SVIL: variants seen among roughly 807,000 people sequenced by gnomAD.
SVIL encodes the protein archvillin.
SVIL carries 101 observed loss-of-function variants against 240.4 expected under a neutral mutation model. The observed-to-expected ratio is 0.42, with a 90% confidence interval of 0.36 to 0.50. The LOEUF is 0.50. Among genes scored for constraint, SVIL ranks in the 20% least tolerant of loss-of-function variants. The pLI is 0.01. For missense variants in SVIL, 2,512 were observed against 2,818.7 expected (o/e 0.89, Z 2.46); for synonymous variants, 999 against 1,100.0 (o/e 0.91, Z 1.82).
intron 22 of SVIL, among the ~76,000 whole-genome samples, chr10:29,490,588 A>C (rs1482961210): frequency 0.19 from 18,207 of 96,224 alleles, 1,229 homozygotes; most frequent in East Asian, 0.36. Context: ...CAGTCTTTAA[A>C]AAAAAAAAAA....
At chr10:29,478,924 CAAAAAAAAAAAA>C (rs71020791) in intron 29 of SVIL, among the ~76,000 whole-genome samples, 3 of 63,040 alleles carry the variant, frequency 4.8e-5, no homozygotes, top group Non-Finnish European at 6.2e-5. Context: ...AACCCTGTCT[CAAAAAAAAAAAA>C]AAAAAAAAAA....
Position 29,462,401 on chromosome 10 carries a change from C to G in SVIL, c.6278G>C (p.Gly2093Ala), listed in dbSNP as rs183106046. The G allele has an allele frequency of 6.2e-7, 1 of 1,613,990 alleles. No homozygotes were observed. Among genetic ancestry groups the G allele is most frequent in the East Asian group, 2.2e-5 (1 of 44,878 alleles). ...GGGGGCTGGTTTCTTGAGATTTTTT[C>G]CTGTAGTTACACAGATTGCAATGTC... ...AMETVLQYCK[G>A]KNLKKPAPKS... is the part of the protein sequence containing the mutation. The change falls in exon 36 of 38, where the codon GGA (glycine) becomes GCA (alanine). Residue 2093 changes from glycine to alanine, a missense_variant and splice_region_variant. Coordinates refer to ENST00000355867, the MANE Select transcript of SVIL (RefSeq NM_021738.3).
chr10:29,519,166 AAAG>A (rs1403206343), intron 16 of SVIL, among the ~76,000 whole-genome samples: 2 of 152,224 alleles, frequency 1.3e-5, no homozygotes, highest in African/African-American at 2.4e-5. Flanking sequence ...ATTCATGAAG[AAAG>A]AAGGTGTGTC....
upstream of SVIL, among the ~76,000 whole-genome samples, chr10:29,736,077 C>G (rs925436101): frequency 3.3e-5 from 5 of 152,052 alleles, no homozygotes; most frequent in African/African-American, 1.2e-4. Flanking sequence ...TCTCTCAACG[C>G]GGGCACCCCT....
intron 16 of SVIL, among the ~76,000 whole-genome samples, chr10:29,513,384 T>C (rs1021260632): frequency 3.3e-5 from 5 of 152,046 alleles, no homozygotes; most frequent in Admixed American, 1.3e-4. Flanking sequence ...GCCTGGCCAA[T>C]ACGGTGAAAC....
Position 29,480,605 on chromosome 10 carries a change from T to G in SVIL, c.5309A>C (p.Gln1770Pro). ...LEFDYSRLPK[Q>P]SIGQFHEGDA... Reference sequence around the variant, plus strand: ...CCCCTCATGGAACTGCCCGATGCTTTGTTTGGGGAGCCTGCTATAGTCGAA... The same window carrying G: ...CCCCTCATGGAACTGCCCGATGCTTGGTTTGGGGAGCCTGCTATAGTCGAA... Residue 1770 changes from glutamine to proline, a missense_variant, in exon 29 of 38, where the codon CAA becomes CCA. Around this residue, in one of 3 missense-constraint regions of SVIL, gnomAD observed 797 missense variants for 925.3 expected, o/e 0.86. Coordinates refer to ENST00000355867, the MANE Select transcript of SVIL (RefSeq NM_021738.3). The G allele has an allele frequency of 6.8e-6, 11 of 1,614,146 alleles. No individual in the cohort carries two copies. Among genetic ancestry groups the G allele is most frequent in the Non-Finnish European group, 9.3e-6 (11 of 1,180,020 alleles).
chr10:29,731,961 C>T (rs905464669), intron 1 of SVIL, among the ~76,000 whole-genome samples: 2 of 152,264 alleles, frequency 1.3e-5, no homozygotes, highest in African/African-American at 4.8e-5. Context: ...GCCTGTTCAT[C>T]TTCCGTACAA....
rs558265602 is a variant in SVIL at position 29,494,179 on chromosome 10, C to T, written c.3841+735G>A. Among the ~76,000 whole-genome samples, 3 of 143,806 alleles carry T rather than the reference C, an allele frequency of 2.1e-5. No homozygotes were observed. The South Asian group carries it at 6.4e-4, about 31-fold the overall frequency. The allele number at this position is 143,806 out of a possible 152,430, so 94.3% of individuals were successfully genotyped here. On this transcript the variant is annotated intron_variant, in intron 20 of 37. Coordinates refer to ENST00000355867, the MANE Select transcript of SVIL (RefSeq NM_021738.3). ...CAAGACCCTGTCTCTAAAAAACAAA[C>T]AAGAAAAAAAAAAAGCAAGTGGGCA... is the stretch of plus-strand genomic sequence containing the variant.
At chr10:29,567,710 A>G (rs1410957894) in intron 2 of SVIL, among the ~76,000 whole-genome samples, 1 of 152,162 alleles carries the variant, frequency 6.6e-6, no homozygotes, top group East Asian at 1.9e-4. Flanking sequence ...CCAACCTGCT[A>G]GGGACATATT....
chr10:29,662,665 A>G (rs1052808783), intron 2 of SVIL, among the ~76,000 whole-genome samples: 3 of 152,158 alleles, frequency 2.0e-5, no homozygotes, highest in Non-Finnish European at 4.4e-5. Flanking sequence ...TGGGAAAGCC[A>G]CTAGTAAGTG....
chr10:29,550,117 T>C (rs1024539780), intron 6 of SVIL, among the ~76,000 whole-genome samples: 46 of 148,928 alleles, frequency 3.1e-4, no homozygotes, highest in Non-Finnish European at 5.2e-4. Context: ...CCTGCTTTGG[T>C]AGAACCTGTT....
chr10:29,550,821 G>A lies in SVIL; in HGVS notation c.603C>T (p.Asn201=), dbSNP rs778148636. ...DGSSDPEVLL[N]IENQRRGQEL... is the part of the protein sequence containing the mutation. The stretch of plus-strand genomic sequence containing the variant: ...CTTGACCTCGTCTTTGGTTTTCTAT[G>A]TTCAGCAGCACCTCCGGGTCGGAAG... The change falls in exon 6 of 38, where the codon AAC becomes AAT. Residue 201 remains asparagine, a synonymous_variant. Coordinates refer to ENST00000355867, the MANE Select transcript of SVIL (RefSeq NM_021738.3). 5 of 1,614,026 alleles carry A rather than the reference G, an allele frequency of 3.1e-6. No individual in the cohort carries two copies. The East Asian group carries it at 1.1e-4, about 36-fold the overall frequency.
At chr10:29,534,360 A>G (rs1271397050) in intron 7 of SVIL, among the ~76,000 whole-genome samples, 1 of 152,108 alleles carries the variant, frequency 6.6e-6, no homozygotes, top group Admixed American at 6.6e-5. Context: ...AACAATATCT[A>G]GGTGCAGTGG....
chr10:29,570,551 T>A (rs1027283481), intron 1 of SVIL, among the ~76,000 whole-genome samples: 1 of 152,224 alleles, frequency 6.6e-6, no homozygotes, highest in African/African-American at 2.4e-5. Context: ...AAAGACAGTA[T>A]CTTGTTCCAA....
intron 23 of SVIL, among the ~76,000 whole-genome samples, chr10:29,488,327 C>G (rs1442155285): frequency 2.0e-5 from 3 of 151,986 alleles, no homozygotes; most frequent in African/African-American, 4.8e-5. Flanking sequence ...GTGGGGGGAC[C>G]TGGGTTCAAA....
rs1564541481 is a variant in SVIL, at chr10:29,509,376, A to AGAGAGAGAGAGG, written c.3516+3358_3516+3359insCCTCTCTCTCTC. Among the ~76,000 whole-genome samples, 13 of 139,290 alleles carry AGAGAGAGAGAGG rather than the reference A, an allele frequency of 9.3e-5. 1 individual carries two copies. The East Asian group carries it at 2.8e-3, about 30-fold the overall frequency. The allele number at this position is 139,290 out of a possible 152,430, so 91.4% of individuals were successfully genotyped here. On this transcript the variant is annotated intron_variant, in intron 17 of 37. Transcript: ENST00000355867. Reference sequence around the variant, plus strand: ...GAGAGAGAGAGAGAGAGAGAGAGAGAGAGAATACCCAAACAGTTTTTCACA... The same window carrying AGAGAGAGAGAGG: ...GAGAGAGAGAGAGAGAGAGAGAGAGAGAGAGAGAGAGGGAGAATACCCAAACAGTTTTTCACA...
chr10:29,461,490 T>C (rs936780752), intron 36 of SVIL, among the ~76,000 whole-genome samples: 10 of 152,028 alleles, frequency 6.6e-5, no homozygotes, highest in Admixed American at 2.0e-4. Flanking sequence ...TTACTCGAAT[T>C]TCCTATAAAA....
intron 2 of SVIL, among the ~76,000 whole-genome samples, chr10:29,680,403 A>C (rs1960544279): frequency 6.6e-6 from 1 of 152,190 alleles, no homozygotes; most frequent in African/African-American, 2.4e-5. Context: ...GGTAGTATGC[A>C]ACACGAGGCC....
intron 17 of SVIL, among the ~76,000 whole-genome samples, chr10:29,504,358 A>G (rs1337771334): frequency 6.6e-6 from 1 of 152,238 alleles, no homozygotes; most frequent in Non-Finnish European, 1.5e-5. Flanking sequence ...CTTCACTGAA[A>G]TTAAAGACTT....
Sources: gnomAD v4.1 joint callset for allele counts (sites outside exome capture counted in the v4.1 genomes callset) on GRCh38, gnomAD v4.1.1 for gene constraint, gnomAD v4.1.1 regional missense constraint, MANE v1.5 for transcripts, NCBI Gene and HGNC (gene_info 2026-07-23, HGNC 2026-07-21) for gene names.